Variants in ENTPD1 observed in about 807,000 individuals in gnomAD.
The protein encoded by ENTPD1 is ectonucleoside triphosphate diphosphohydrolase 1.
Under a neutral mutation model 57.0 loss-of-function variants are expected in ENTPD1, and 33 were observed. The observed-to-expected ratio is 0.58, with a 90% confidence interval of 0.44 to 0.77. The LOEUF (loss-of-function observed/expected upper bound fraction) is 0.77, where lower values mean the gene tolerates loss of function less well. ENTPD1 is among the 30% of genes least tolerant of loss of function. The pLI is 0.00. For synonymous variants in ENTPD1, 202 were observed against 218.8 expected, an observed-to-expected ratio of 0.92 and a Z score of 0.68; for missense variants, 501 against 603.4, an observed-to-expected ratio of 0.83 and a Z score of 1.78.
chr10:95,766,808 CTTTGTTA>C (rs1307018646), intron 1 of ENTPD1, among the ~76,000 whole-genome samples: 9 of 149,836 alleles, frequency 6.0e-5, no homozygotes, highest in African/African-American at 2.2e-4. Flanking sequence ...AGACTCTGGA[CTTTGTTA>C]TTTGTTTTTA....
At chr10:95,804,512 C>A (rs1453354809) in intron 1 of ENTPD1, among the ~76,000 whole-genome samples, 1 of 152,164 alleles carries the variant, frequency 6.6e-6, no homozygotes, top group Non-Finnish European at 1.5e-5. Flanking sequence ...TATAAGAATG[C>A]TTATGATTTT....
At chr10:95,809,496 C>T (rs2140419855) in intron 1 of ENTPD1, among the ~76,000 whole-genome samples, 1 of 125,488 alleles carries the variant, frequency 8.0e-6, no homozygotes, top group Non-Finnish European at 1.6e-5. Context: ...GGCAGAGGCA[C>T]CCCCCACCTC....
intron 1 of ENTPD1, among the ~76,000 whole-genome samples, chr10:95,792,586 A>G (rs1374775063): frequency 6.6e-6 from 1 of 152,220 alleles, no homozygotes; most frequent in Admixed American, 6.5e-5. Context: ...CATGATTGCC[A>G]GTTGAAGACT....
At chr10:95,706,242 G>A in the ENTPD1 span, among the ~76,000 whole-genome samples, 2 of 152,200 alleles carry the variant, frequency 1.3e-5, no homozygotes, top group Non-Finnish European at 2.9e-5. Flanking sequence ...TTATGTTATG[G>A]GATCTTTGGG....
intron 1 of ENTPD1, among the ~76,000 whole-genome samples, chr10:95,793,430 C>T (rs2098213740): frequency 6.6e-6 from 1 of 152,172 alleles, no homozygotes; most frequent in African/African-American, 2.4e-5. Flanking sequence ...GGGTAGTCTT[C>T]ACCCACTGTA....
intron 3 of ENTPD1, among the ~76,000 whole-genome samples, chr10:95,840,523 G>A (rs1250738177): frequency 1.3e-5 from 2 of 152,180 alleles, no homozygotes; most frequent in Non-Finnish European, 2.9e-5. Context: ...TTAGGGCTGG[G>A]AAAAGGAACT....
At chr10:95,819,289 A>G (rs2098340468) in intron 1 of ENTPD1, among the ~76,000 whole-genome samples, 1 of 152,032 alleles carries the variant, frequency 6.6e-6, no homozygotes, top group Non-Finnish European at 1.5e-5. Context: ...TCAGCCTCCC[A>G]AATAGCTGGG....
At chr10:95,792,078 A>G (rs1297905939) in intron 1 of ENTPD1, among the ~76,000 whole-genome samples, 1 of 152,092 alleles carries the variant, frequency 6.6e-6, no homozygotes, top group East Asian at 1.9e-4. Context: ...AGTTAAAAAA[A>G]AACATCAAAA....
In ENTPD1 at chr10:95,756,306, G is replaced by A. The variant is rs2098023938; in HGVS notation, c.16+51G>A. The A allele has an allele frequency of 2.6e-6, 4 of 1,535,394 alleles. No homozygotes were observed. The South Asian group carries it at 3.8e-5, about 14-fold the overall frequency. Reference sequence around the variant, plus strand: ...AATCCTTAAGAAAAAAAAAATAGAAGGAAAAATAAAAGCCCAGACCAAAAA... The same window carrying A: ...AATCCTTAAGAAAAAAAAAATAGAAAGAAAAATAAAAGCCCAGACCAAAAA... On this transcript the variant is annotated intron_variant, in intron 1 of 9. Transcript: ENST00000371205.
At position 95,809,564 on chromosome 10, in the gene ENTPD1, T is replaced by C. The variant is rs56161524; in HGVS notation, c.17-13673T>C. On this transcript the variant is annotated intron_variant, in intron 1 of 9. Transcript: ENST00000371205. The stretch of plus-strand genomic sequence containing the variant: ...CCCACCTCCCAGATGGGGCGGATGC[T>C]GGGCAGAGGCGCCCCCCCACCTCCC... Among the ~76,000 whole-genome samples, 132 of 91,644 alleles carry C rather than the reference T, an allele frequency of 1.4e-3. 1 individual carries two copies. The highest frequency in any genetic ancestry group is 1.8e-3 in the Admixed American group (15 of 8,438). The allele number at this position is 91,644 out of a possible 152,430, so 60.1% of individuals were successfully genotyped here.
intron 1 of ENTPD1, 174 bp downstream of exon 1, chr10:95,756,429 A>G: frequency 2.8e-6 from 2 of 724,818 alleles, no homozygotes; most frequent in Non-Finnish European, 4.6e-6. Flanking sequence ...GAAACTTTTT[A>G]GGAAGCAGAG....
intron 1 of ENTPD1, among the ~76,000 whole-genome samples, chr10:95,771,514 C>A (rs773694664): frequency 2.6e-5 from 4 of 152,114 alleles, no homozygotes; most frequent in Non-Finnish European, 5.9e-5. Flanking sequence ...GTGCCCAGTT[C>A]CCTTGCCTTT....
At chr10:95,812,945 TC>T (rs1283494081) in intron 1 of ENTPD1, among the ~76,000 whole-genome samples, 5 of 152,256 alleles carry the variant, frequency 3.3e-5, no homozygotes, top group African/African-American at 1.2e-4. Flanking sequence ...CTATTCATCT[TC>T]TTTGCCATTT....
chr10:95,708,074 A>T (rs2097963219), upstream of ENTPD1, among the ~76,000 whole-genome samples: 1 of 152,258 alleles, frequency 6.6e-6, no homozygotes, highest in African/African-American at 2.4e-5. Context: ...GATATAAAAA[A>T]ATGGGTACAC....
intron 1 of ENTPD1, among the ~76,000 whole-genome samples, chr10:95,816,926 T>C (rs2098331795): frequency 6.6e-6 from 1 of 152,212 alleles, no homozygotes; most frequent in Non-Finnish European, 1.5e-5. Flanking sequence ...TGGAATATAG[T>C]AAGAACTCTT....
Position 95,867,338 on chromosome 10 carries a change from C to A in ENTPD1, c.*955C>A. ...CCACTATTTAGTTCCAGAACATTTG[C>A]ATCATCAATACATTGTCTAGAGACA... is the stretch of plus-strand genomic sequence containing the variant. On this transcript the variant is annotated 3_prime_UTR_variant, in exon 10 of 10. Transcript: ENST00000371205. 1.0e-6 allele frequency: 1 copy of A among 985,386 alleles called. No individual in the cohort carries two copies. The highest frequency in any genetic ancestry group is 1.2e-6 in the Non-Finnish European group (1 of 829,906). The allele number at this position is 985,386 out of a possible 1,614,324, so 61.0% of individuals were successfully genotyped here.
At chr10:95,833,942 C>T (rs2098403355) in intron 2 of ENTPD1, among the ~76,000 whole-genome samples, 1 of 152,192 alleles carries the variant, frequency 6.6e-6, no homozygotes, top group Non-Finnish European at 1.5e-5. Context: ...AAATACCTCC[C>T]ACTAGGGCTC....
At chr10:95,831,624 C>T (rs1211135726) in intron 2 of ENTPD1, among the ~76,000 whole-genome samples, 2 of 152,346 alleles carry the variant, frequency 1.3e-5, no homozygotes, top group East Asian at 3.9e-4. Context: ...CCCACTGTTC[C>T]CCATCTGACT....
chr10:95,749,812 C>G (rs1032919603), intron 1 of ENTPD1, among the ~76,000 whole-genome samples: 1 of 151,980 alleles, frequency 6.6e-6, no homozygotes, highest in Non-Finnish European at 1.5e-5. Context: ...TGAGATGGAG[C>G]CTTTTATAAA....
Sources: allele counts gnomAD v4.1 joint callset (sites outside exome capture counted in the v4.1 genomes callset), GRCh38; gene constraint gnomAD v4.1.1; transcripts MANE v1.5; gene names NCBI Gene and HGNC (gene_info 2026-07-23, HGNC 2026-07-21).